The following AMBP variants were observed in gnomAD, a reference collection of about 807,000 sequenced individuals.
AMBP encodes the protein alpha-1-microglobulin/bikunin precursor, also known as protein AMBP.
A neutral mutation model predicts 46.3 loss-of-function variants in AMBP; 37 were observed. The observed-to-expected ratio is 0.80, with a 90% CI of 0.61 to 1.05. AMBP has a LOEUF of 1.05. Ranked by LOEUF, AMBP falls within the 50% of genes least tolerant of loss-of-function variation. The probability of loss-of-function intolerance (pLI) is 0.00; values close to 1 mark genes in which losing one functional copy is unlikely to be tolerated. For synonymous variants in AMBP, 174 were observed against 175.9 expected (o/e 0.99, Z 0.09); for missense variants, 475 against 461.2 (o/e 1.03, Z -0.27).
intron 4 of AMBP, among the ~76,000 whole-genome samples, chr9:114,073,493 G>GTTT (rs59522385): frequency 1.6e-3 from 171 of 107,252 alleles, no homozygotes; most frequent in South Asian, 6.1e-3. Flanking sequence ...CTCAATCCCT[G>GTTT]TTTTTTTTTT....
In AMBP at chr9:114,060,182, G is replaced by A. The variant is rs373893437; in HGVS notation, c.*57C>T. On this transcript the variant is annotated 3_prime_UTR_variant, in exon 10 of 10. Coordinates refer to ENST00000265132, the MANE Select transcript of AMBP (RefSeq NM_001633.4). ...GGACCCAGGTTGCTTGGCGCTGCCT[G>A]CCACAGGACCCCGGGACAGACACTG... 26 of 1,568,016 alleles carry A rather than the reference G, an allele frequency of 1.7e-5. No homozygotes were observed. Among genetic ancestry groups the A allele is most frequent in the Non-Finnish European group, 2.0e-5 (23 of 1,154,424 alleles).
chr9:114,070,337 TG>T, intron 5 of AMBP, among the ~76,000 whole-genome samples: 1 of 152,076 alleles, frequency 6.6e-6, no homozygotes, highest in East Asian at 1.9e-4. Flanking sequence ...GGCAGGCAAC[TG>T]TGCCACCCCC....
At chr9:114,074,180 G>A in intron 3 of AMBP, 28 bp from the exon 4 acceptor site, 2 of 1,582,452 alleles carry the variant, frequency 1.3e-6, no homozygotes, top group Non-Finnish European at 1.7e-6. Context: ...GCAGACCAAA[G>A]GGATCAGTGG....
chr9:114,069,596 C>T, intron 6 of AMBP, 103 bp downstream of exon 6: 2 of 1,160,548 alleles, frequency 1.7e-6, no homozygotes, highest in Non-Finnish European at 2.5e-6. Context: ...TCACCCCCTC[C>T]CCATGACTCT....
At chr9:114,074,817 G>A in intron 3 of AMBP, 143 bp downstream of exon 3, 1 of 688,476 alleles carries the variant, frequency 1.5e-6, no homozygotes, top group South Asian at 1.8e-5. Context: ...GGAGGAGGAG[G>A]AAGAGGAGGA....
At chr9:114,074,719 G>A (rs974574478) in intron 3 of AMBP, among the ~76,000 whole-genome samples, 8 of 152,112 alleles carry the variant, frequency 5.3e-5, no homozygotes, top group Admixed American at 1.3e-4. Flanking sequence ...GAAGACTGGC[G>A]AAATCAGCAC....
chr9:114,071,424 C>T (rs910102326), intron 5 of AMBP, among the ~76,000 whole-genome samples: 3 of 152,234 alleles, frequency 2.0e-5, no homozygotes, highest in African/African-American at 2.4e-5. Context: ...TGCCAACAAG[C>T]GTGGAAGGGA....
chr9:114,069,999 G>C (rs1156614963), intron 5 of AMBP: 9 of 538,510 alleles, frequency 1.7e-5, no homozygotes, highest in African/African-American at 1.9e-5. Flanking sequence ...ATCATGGAAA[G>C]AATAGCAATA....
intron 6 of AMBP, among the ~76,000 whole-genome samples, chr9:114,063,824 G>C (rs1024238599): frequency 2.6e-5 from 4 of 152,218 alleles, no homozygotes; most frequent in Non-Finnish European, 4.4e-5. Flanking sequence ...ACACCATAGA[G>C]ATGATAAAGT....
At chr9:114,062,260 C>T (rs1387826702) in intron 7 of AMBP, among the ~76,000 whole-genome samples, 1 of 152,172 alleles carries the variant, frequency 6.6e-6, no homozygotes, top group Non-Finnish European at 1.5e-5. Context: ...GTTTGCTGAT[C>T]GAGTTGGAGA....
chr9:114,063,331 C>T (rs1242617483), intron 6 of AMBP, among the ~76,000 whole-genome samples: 1 of 152,036 alleles, frequency 6.6e-6, no homozygotes, highest in African/African-American at 2.4e-5. Context: ...GATCCCAGGG[C>T]AATTATAGAA....
Position 114,060,245 on chromosome 9 carries a change from G to T in AMBP, c.1053C>A (p.Ser351=). The change falls in exon 10 of 10, where the codon TCC becomes TCA. Residue 351 remains serine (S), a synonymous_variant. Coordinates refer to ENST00000265132, the MANE Select transcript of AMBP (RefSeq NM_001633.4). The part of the protein sequence containing the change: ...GDGDEELLRF[S]N ...CTTGCAGACCGGCCAGTTGTCAGTT[G>T]GAGAAGCGCAGCAGCTCCTCATCAC... The T allele has an allele frequency of 6.2e-7, 1 of 1,613,240 alleles. No homozygotes were observed. Among genetic ancestry groups the T allele is most frequent in the Non-Finnish European group, 8.5e-7 (1 of 1,179,672 alleles).
In AMBP at chr9:114,060,282, G is replaced by C. The variant is rs971857867; in HGVS notation, c.1028-12C>G. The stretch of plus-strand genomic sequence containing the variant: ...CAGCTCCTCATCACCTGTGGACACA[G>C]AGAGACTCAGGGAGGGGTCCGTAGG... On this transcript the variant is annotated splice_polypyrimidine_tract_variant and intron_variant, in intron 9 of 9. Transcript: ENST00000265132. 8 of 1,612,684 alleles carry C rather than the reference G, an allele frequency of 5.0e-6. No homozygotes were observed. The highest frequency in any genetic ancestry group is 2.2e-5 in the South Asian group (2 of 90,584).
chr9:114,072,312 C>T lies in AMBP; in HGVS notation c.556+613G>A. On this transcript the variant is annotated intron_variant, in intron 5 of 9. Transcript: ENST00000265132. ...GTGGTGCACCTGGTCCAGCCATACC[C>T]TTACAGAGTGCTGGCACCATGCCAG... is the stretch of plus-strand genomic sequence containing the variant. Among the ~76,000 whole-genome samples, 2 of 152,314 alleles carry T rather than the reference C, an allele frequency of 1.3e-5. 1 individual carries two copies. The highest frequency in any genetic ancestry group is 6.8e-3 in the Middle Eastern group (2 of 294).
chr9:114,060,984 T>C lies in AMBP; in HGVS notation c.968A>G (p.Asn323Ser), dbSNP rs1295312381. 2.5e-6 allele frequency: 4 copies of C among 1,614,250 alleles called. No homozygotes were observed. In the East Asian group the frequency reaches 6.7e-5, roughly 27 times the overall value. Reference sequence around the variant, plus strand: ...CTTCTCTGAGTAGAACTTGTTCCCGTTGCCCTGGCAGCCCCCGTAGGGGAA... The same window carrying C: ...CTTCTCTGAGTAGAACTTGTTCCCGCTGCCCTGGCAGCCCCCGTAGGGGAA... ...VLFPYGGCQGNGNKFYSEKEC... is the reference protein window; with the variant it reads ...VLFPYGGCQGSGNKFYSEKEC... Residue 323 changes from asparagine (N) to serine (S), a missense_variant, in exon 9 of 10, where the codon AAC becomes AGC. Around this residue, in one of 3 missense-constraint regions of AMBP, gnomAD observed 293 missense variants for 276.9 expected, o/e 1.06. Coordinates refer to ENST00000265132, the MANE Select transcript of AMBP (RefSeq NM_001633.4).
intron 5 of AMBP, chr9:114,070,036 CACAGTGCTATTGT>C (rs1458158397): frequency 1.3e-5 from 6 of 460,192 alleles, no homozygotes; most frequent in Non-Finnish European, 2.3e-5. Context: ...CATTTATGAG[CACAGTGCTATTGT>C]ACTTAATGGT....
At position 114,065,375 on chromosome 9, in the gene AMBP, A is replaced by T. The variant is rs75160527; in HGVS notation, c.604-2617T>A. ...AGGTGGGAATTGGGATGATGTTTTT[A>T]ACAAGCCAAGGAACACCAGAGACTG... On this transcript the variant is annotated intron_variant, in intron 6 of 9. Transcript: ENST00000265132. Among the ~76,000 whole-genome samples, 377 of 152,276 alleles carry T rather than the reference A, an allele frequency of 2.5e-3. 1 individual carries two copies. The highest frequency in any genetic ancestry group is 8.5e-3 in the African/African-American group (352 of 41,570).
intron 6 of AMBP, among the ~76,000 whole-genome samples, chr9:114,069,420 A>G (rs1213466505): frequency 1.3e-5 from 2 of 152,302 alleles, no homozygotes; most frequent in Admixed American, 6.5e-5. Context: ...GAACTTTTCT[A>G]TATGTCATTA....
At chr9:114,077,249 C>T (rs572631581) in intron 1 of AMBP, among the ~76,000 whole-genome samples, 1 of 152,204 alleles carries the variant, frequency 6.6e-6, no homozygotes, top group Non-Finnish European at 1.5e-5. Context: ...CAGGCTCCTA[C>T]GGAACAGGCC....
Sources: allele counts gnomAD v4.1 joint callset (sites outside exome capture counted in the v4.1 genomes callset), GRCh38; gene constraint gnomAD v4.1.1; regional missense constraint gnomAD v4.1.1; transcripts MANE v1.5; gene names NCBI Gene and HGNC (gene_info 2026-07-23, HGNC 2026-07-21).